Variants in MAD1L1 observed in about 807,000 individuals in gnomAD.
The protein encoded by MAD1L1 is mitotic arrest deficient 1 like 1, also known as mitotic spindle assembly checkpoint protein MAD1.
Under a neutral mutation model 96.9 loss-of-function variants are expected in MAD1L1, and 95 were observed. That is an observed-to-expected ratio of 0.98 (90% CI 0.83 to 1.16). The LOEUF (loss-of-function observed/expected upper bound fraction) is 1.16, where lower values mean the gene tolerates loss of function less well. Among genes scored for constraint, MAD1L1 ranks in the 50% most tolerant of loss-of-function variants. The pLI, the probability that MAD1L1 is intolerant of heterozygous loss-of-function variation, is 0.00. For synonymous variants in MAD1L1, 473 were observed against 396.6 expected, an observed-to-expected ratio of 1.19 and a Z score of -2.29; for missense variants, 1,007 against 954.4, an observed-to-expected ratio of 1.06 and a Z score of -0.73.
intron 16 of MAD1L1, among the ~76,000 whole-genome samples, chr7:1,938,615 A>AT (rs1660128749): frequency 6.6e-6 from 1 of 152,268 alleles, no homozygotes; most frequent in Non-Finnish European, 1.5e-5. Context: ...AACCAAGGGC[A>AT]TGTCAGACAA....
intron 10 of MAD1L1, among the ~76,000 whole-genome samples, chr7:2,172,285 C>G (rs908259477): frequency 6.6e-6 from 1 of 152,096 alleles, no homozygotes; most frequent in Non-Finnish European, 1.5e-5. Flanking sequence ...GACAAGCACA[C>G]GAGGCTCGGG....
chr7:1,946,173 T>A (rs1190173109), intron 16 of MAD1L1, among the ~76,000 whole-genome samples: 1 of 152,208 alleles, frequency 6.6e-6, no homozygotes, highest in African/African-American at 2.4e-5. Flanking sequence ...ACCCCTGCCC[T>A]CTGTGCATTC....
intron 12 of MAD1L1, among the ~76,000 whole-genome samples, chr7:2,059,899 G>A (rs960062653): frequency 9.9e-5 from 15 of 152,206 alleles, no homozygotes; most frequent in East Asian, 9.6e-4. Context: ...AAACTGCGTC[G>A]AATGTTCAAA....
intron 3 of MAD1L1, among the ~76,000 whole-genome samples, chr7:2,227,258 T>C (rs1793950181): frequency 6.6e-6 from 1 of 152,148 alleles, no homozygotes; most frequent in Non-Finnish European, 1.5e-5. Flanking sequence ...ATTGTACCAC[T>C]GCACTCCAGC....
chr7:2,106,175 T>G (rs1182782598), intron 11 of MAD1L1, among the ~76,000 whole-genome samples: 3 of 144,512 alleles, frequency 2.1e-5, no homozygotes, highest in Non-Finnish European at 4.5e-5. Flanking sequence ...CCATTACGCC[T>G]AGGCTAGGAA....
intron 15 of MAD1L1, among the ~76,000 whole-genome samples, chr7:1,967,044 G>T (rs59781383): frequency 6.6e-6 from 1 of 152,182 alleles, no homozygotes; most frequent in African/African-American, 2.4e-5. Context: ...TAATACCCGG[G>T]TCTCTTACTG....
At chr7:2,144,254 A>G (rs769037403) in intron 11 of MAD1L1, among the ~76,000 whole-genome samples, 1 of 152,222 alleles carries the variant, frequency 6.6e-6, no homozygotes, top group African/African-American at 2.4e-5. Flanking sequence ...GAGGCTGCGC[A>G]TGAAGCACAG....
At chr7:2,180,498 T>C (rs987113208) in intron 10 of MAD1L1, among the ~76,000 whole-genome samples, 5 of 152,220 alleles carry the variant, frequency 3.3e-5, no homozygotes, top group African/African-American at 7.2e-5. Flanking sequence ...AGAGACTTGA[T>C]GGCCATGGTT....
At chr7:2,093,240 G>A (rs1482192765) in intron 11 of MAD1L1, among the ~76,000 whole-genome samples, 4 of 51,466 alleles carry the variant, frequency 7.8e-5, no homozygotes, top group African/African-American at 3.0e-4. Flanking sequence ...GAGAGACTCC[G>A]TGTCAAAAAA....
At chr7:1,942,385 G>C (rs1393218551) in intron 16 of MAD1L1, among the ~76,000 whole-genome samples, 2 of 152,236 alleles carry the variant, frequency 1.3e-5, no homozygotes, top group Admixed American at 6.5e-5. Context: ...GCCTGCTGCT[G>C]TGACCACAGC....
intron 11 of MAD1L1, among the ~76,000 whole-genome samples, chr7:2,081,071 G>C (rs1056414028): frequency 6.6e-6 from 1 of 152,180 alleles, no homozygotes; most frequent in African/African-American, 2.4e-5. Flanking sequence ...AGAGAGGAGA[G>C]AGCTGCTGTG....
At chr7:2,155,828 C>T (rs192566722) in intron 10 of MAD1L1, among the ~76,000 whole-genome samples, 85 of 152,340 alleles carry the variant, frequency 5.6e-4, no homozygotes, top group African/African-American at 2.0e-3. Flanking sequence ...GCAGAAGCGG[C>T]ACTGACAGAG....
intron 12 of MAD1L1, among the ~76,000 whole-genome samples, chr7:2,056,182 T>C (rs1784381715): frequency 6.6e-6 from 1 of 152,158 alleles, no homozygotes; most frequent in South Asian, 2.1e-4. Flanking sequence ...CAGAGGATGA[T>C]GCTTTCCAGA....
chr7:1,864,330 CG>C (rs1784672084), intron 18 of MAD1L1, among the ~76,000 whole-genome samples: 3 of 152,290 alleles, frequency 2.0e-5, no homozygotes, highest in South Asian at 4.2e-4. Flanking sequence ...AGGGCAGACC[CG>C]GGGCCCCTTT....
intron 18 of MAD1L1, among the ~76,000 whole-genome samples, chr7:1,893,378 A>G (rs1786669121): frequency 6.6e-6 from 1 of 152,196 alleles, no homozygotes; most frequent in African/African-American, 2.4e-5. Flanking sequence ...CTTGACTGGA[A>G]ACGGCTTCGG....
chr7:2,050,314 C>G (rs184312652), intron 12 of MAD1L1, among the ~76,000 whole-genome samples: 3 of 152,238 alleles, frequency 2.0e-5, no homozygotes, highest in Non-Finnish European at 4.4e-5. Flanking sequence ...AACCAGAGAC[C>G]AGGATGGAAC....
chr7:2,139,711 C>T (rs1212502076), intron 11 of MAD1L1, among the ~76,000 whole-genome samples: 1 of 152,210 alleles, frequency 6.6e-6, no homozygotes, highest in Non-Finnish European at 1.5e-5. Context: ...CGGGCTTCGG[C>T]AGACCCCCGT....
intron 14 of MAD1L1, among the ~76,000 whole-genome samples, chr7:1,986,040 T>C (rs1781124615): frequency 1.3e-5 from 2 of 152,238 alleles, no homozygotes; most frequent in African/African-American, 4.8e-5. Context: ...CACAAATGCA[T>C]GGAGTAACCT....
intron 18 of MAD1L1, among the ~76,000 whole-genome samples, chr7:1,826,007 G>A (rs182151039): frequency 7.2e-5 from 11 of 152,260 alleles, no homozygotes; most frequent in African/African-American, 2.2e-4. Flanking sequence ...TCATGACCTC[G>A]GCAGCAGTGA....
Sources: gnomAD v4.1 joint callset for allele counts (sites outside exome capture counted in the v4.1 genomes callset) on GRCh38, gnomAD v4.1.1 for gene constraint, MANE v1.5 for transcripts, NCBI Gene and HGNC (gene_info 2026-07-23, HGNC 2026-07-21) for gene names.